Variants in TEK observed in about 807,000 individuals in gnomAD.
TEK encodes TEK receptor tyrosine kinase, also known as angiopoietin-1 receptor.
In TEK, 43 loss-of-function variants were observed where a neutral mutation model predicts 131.8. The observed-to-expected ratio is 0.33, with a 90% CI of 0.26 to 0.42. The LOEUF is 0.42. Ranked by LOEUF, TEK falls within the 10% of genes least tolerant of loss-of-function variation. The pLI is 1.00. For missense variants in TEK, 1,162 were observed against 1,384.4 expected (o/e 0.84, Z 2.55); for synonymous variants, 580 against 491.6 (o/e 1.18, Z -2.38).
chr9:27,218,871 C>T, intron 20 of TEK, 54 bp downstream of exon 20: 1 of 1,511,408 alleles, frequency 6.6e-7, no homozygotes, highest in Non-Finnish European at 9.2e-7. Flanking sequence ...TGAGTGGAAG[C>T]CTCTAGCACT....
chr9:27,210,709 G>A (rs991166528), intron 16 of TEK: 5 of 152,156 alleles, frequency 3.3e-5, no homozygotes, highest in African/African-American at 9.7e-5. Flanking sequence ...TCTTTAGGGA[G>A]AGAATAAACC....
At chr9:27,111,195 A>G (rs12003583) in intron 1 of TEK, among the ~76,000 whole-genome samples, 116 of 151,520 alleles carry the variant, frequency 7.7e-4, no homozygotes, top group African/African-American at 2.6e-3. Flanking sequence ...GATCCCTGGA[A>G]AAAACAGCAC....
intron 1 of TEK, among the ~76,000 whole-genome samples, chr9:27,147,947 A>C (rs1822985731): frequency 6.6e-6 from 1 of 152,228 alleles, no homozygotes; most frequent in South Asian, 2.1e-4. Flanking sequence ...GCTACAAATT[A>C]GCTGTGTAAC....
intron 19 of TEK, among the ~76,000 whole-genome samples, chr9:27,218,139 T>A (rs1240358091): frequency 9.7e-6 from 1 of 103,186 alleles, no homozygotes; most frequent in Non-Finnish European, 2.0e-5. Context: ...GTGGCGGGGG[T>A]CGTCTCTGCT....
intron 11 of TEK, chr9:27,195,634 T>C (rs531561641): frequency 1.4e-4 from 65 of 455,732 alleles, no homozygotes; most frequent in African/African-American, 1.2e-3. Flanking sequence ...ATCAATTTAC[T>C]ATTATTAACT....
At chr9:27,174,504 T>C (rs1027810977) in intron 6 of TEK, among the ~76,000 whole-genome samples, 2 of 152,262 alleles carry the variant, frequency 1.3e-5, no homozygotes, top group African/African-American at 4.8e-5. Flanking sequence ...GAAAAAAGTA[T>C]TAATGAGATA....
chr9:27,129,579 A>G (rs1319973847), intron 1 of TEK, among the ~76,000 whole-genome samples: 1 of 152,172 alleles, frequency 6.6e-6, no homozygotes, highest in African/African-American at 2.4e-5. Context: ...TTGTTACTCA[A>G]GCATGGCTTT....
At chr9:27,118,293 C>T (rs1466622214) in intron 1 of TEK, among the ~76,000 whole-genome samples, 1 of 151,890 alleles carries the variant, frequency 6.6e-6, no homozygotes, top group Non-Finnish European at 1.5e-5. Context: ...TTTTAATAGA[C>T]AGGGAAACCA....
intron 6 of TEK, among the ~76,000 whole-genome samples, chr9:27,178,787 C>G (rs1373467529): frequency 6.6e-6 from 1 of 152,184 alleles, no homozygotes; most frequent in East Asian, 1.9e-4. Context: ...AATAATGCTT[C>G]TACCCTGTCT....
At chr9:27,136,429 G>T (rs1564051335) in intron 1 of TEK, among the ~76,000 whole-genome samples, 2 of 152,150 alleles carry the variant, frequency 1.3e-5, no homozygotes, top group East Asian at 1.9e-4. Flanking sequence ...GGCTTCAATT[G>T]ACTTTACTTT....
At chr9:27,110,982 G>C (rs914999448) in intron 1 of TEK, among the ~76,000 whole-genome samples, 10 of 151,752 alleles carry the variant, frequency 6.6e-5, no homozygotes, top group African/African-American at 1.5e-4. Flanking sequence ...TCTATACCAG[G>C]GATTATAGTG....
chr9:27,131,366 C>T (rs1460966773), intron 1 of TEK, among the ~76,000 whole-genome samples: 1 of 150,970 alleles, frequency 6.6e-6, no homozygotes, highest in Non-Finnish European at 1.5e-5. Context: ...GTAGTTCCAG[C>T]TACTTGGGAG....
At chr9:27,137,003 C>T (rs936819661) in intron 1 of TEK, among the ~76,000 whole-genome samples, 3 of 152,136 alleles carry the variant, frequency 2.0e-5, no homozygotes, top group Non-Finnish European at 4.4e-5. Flanking sequence ...GCAACCTCTG[C>T]CTCCCGGGTT....
chr9:27,197,015 C>G (rs1369881087), intron 11 of TEK, among the ~76,000 whole-genome samples: 1 of 129,484 alleles, frequency 7.7e-6, no homozygotes, highest in South Asian at 3.1e-4. Flanking sequence ...CCTCCCCCCT[C>G]CCCCGGCAAT....
intron 4 of TEK, among the ~76,000 whole-genome samples, chr9:27,170,851 G>A (rs1437524239): frequency 6.6e-6 from 1 of 152,198 alleles, no homozygotes; most frequent in African/African-American, 2.4e-5. Flanking sequence ...CTATAGACAA[G>A]GGTGGAGTCA....
chr9:27,195,727 A>G (rs973998399), intron 11 of TEK: 1 of 455,822 alleles, frequency 2.2e-6, no homozygotes, highest in African/African-American at 2.0e-5. Context: ...GTGTTAATAG[A>G]GCCCCTAACA....
intron 1 of TEK, among the ~76,000 whole-genome samples, chr9:27,143,091 T>C (rs1819668126): frequency 6.6e-6 from 1 of 150,890 alleles, no homozygotes; most frequent in Admixed American, 6.6e-5. Context: ...TGAGGGAGCA[T>C]GTACAAAGCT....
rs541986392 is a variant in TEK at position 27,213,646 on chromosome 9, C to T, written c.2991+49C>T. 1.4e-5 allele frequency: 20 copies of T among 1,404,584 alleles called. No individual in the cohort carries two copies. The African/African-American group carries it at 1.8e-4, about 13-fold the overall frequency. 87.0% of individuals were successfully genotyped at this position (1,404,584 alleles called of 1,614,324 possible). On this transcript the variant is annotated intron_variant, in intron 18 of 22. Coordinates refer to ENST00000380036, the MANE Select transcript of TEK (RefSeq NM_000459.5). ...ATCGCATCCTTTCCGAGGTACTCCCCTGTCTCCTGATGTTGCTTCTGAGAC... is the reference window on the plus strand; with the variant it reads ...ATCGCATCCTTTCCGAGGTACTCCCTTGTCTCCTGATGTTGCTTCTGAGAC...
chr9:27,224,164 C>A (rs772610676), intron 21 of TEK, among the ~76,000 whole-genome samples: 1 of 152,198 alleles, frequency 6.6e-6, no homozygotes, highest in African/African-American at 2.4e-5. Context: ...GGATCCACAG[C>A]TGAATTCTAC....
Sources: allele counts gnomAD v4.1 joint callset (sites outside exome capture counted in the v4.1 genomes callset), GRCh38; gene constraint gnomAD v4.1.1; transcripts MANE v1.5; gene names NCBI Gene and HGNC (gene_info 2026-07-23, HGNC 2026-07-21).